The following DSCAML1 variants were observed in gnomAD, a reference collection of about 807,000 sequenced individuals.
The protein encoded by DSCAML1 is DS cell adhesion molecule like 1, also known as cell adhesion molecule DSCAML1.
DSCAML1 carries 38 observed loss-of-function variants against 200.5 expected under a neutral mutation model. That is an observed-to-expected ratio of 0.19 (90% CI 0.15 to 0.25). The LOEUF (loss-of-function observed/expected upper bound fraction) is 0.25, where lower values mean the gene tolerates loss of function less well. Among genes scored for constraint, DSCAML1 ranks in the 10% least tolerant of loss-of-function variants. The pLI is 1.00. For missense variants in DSCAML1, 2,223 were observed against 2,858.8 expected (o/e 0.78, Z 5.07); for synonymous variants, 1,215 against 1,165.0 (o/e 1.04, Z -0.87).
intron 3 of DSCAML1, among the ~76,000 whole-genome samples, chr11:117,545,116 G>C (rs916702800): frequency 6.6e-6 from 1 of 152,124 alleles, no homozygotes; most frequent in African/African-American, 2.4e-5. Flanking sequence ...TGTAATCCCA[G>C]ATACTCGGGA....
intron 18 of DSCAML1, among the ~76,000 whole-genome samples, chr11:117,460,924 G>A (rs1193705874): frequency 6.6e-6 from 1 of 151,928 alleles, no homozygotes; most frequent in Non-Finnish European, 1.5e-5. Flanking sequence ...GGCCTTAGGT[G>A]TTGATGGCTT....
intron 3 of DSCAML1, among the ~76,000 whole-genome samples, chr11:117,556,884 C>T (rs1037172063): frequency 1.3e-5 from 2 of 152,188 alleles, no homozygotes; most frequent in Admixed American, 6.5e-5. Context: ...TTCTTAGCTG[C>T]AGTATGAATC....
intron 3 of DSCAML1, among the ~76,000 whole-genome samples, chr11:117,663,994 C>T (rs1370775502): frequency 6.6e-6 from 1 of 152,228 alleles, no homozygotes; most frequent in Non-Finnish European, 1.5e-5. Flanking sequence ...TATTGCTCAG[C>T]GCCATCACCA....
rs1034584666 is a variant in DSCAML1, at chr11:117,628,333, C to T, written c.512-95811G>A. ...AGGAAGCGCTTCCCAGGGTGGGGAG[C>T]GGCTGATCCTCATGACCTCTGAGCT... On this transcript the variant is annotated intron_variant, in intron 3 of 32. Transcript: ENST00000651296. Among the ~76,000 whole-genome samples, 6 of 152,286 alleles carry T rather than the reference C, an allele frequency of 3.9e-5. 1 individual carries two copies. The highest frequency in any genetic ancestry group is 2.0e-4 in the Admixed American group (3 of 15,298).
intron 3 of DSCAML1, among the ~76,000 whole-genome samples, chr11:117,625,772 T>C: frequency 6.6e-6 from 1 of 152,262 alleles, no homozygotes; most frequent in Non-Finnish European, 1.5e-5. Flanking sequence ...TGGGTGCTAC[T>C]GGCATTTAGT....
chr11:117,657,606 C>T (rs1295415189), intron 3 of DSCAML1, among the ~76,000 whole-genome samples: 1 of 152,286 alleles, frequency 6.6e-6, no homozygotes, highest in East Asian at 1.9e-4. Flanking sequence ...CCATCTCCTC[C>T]TCACCCCCAT....
rs1025985360 is a variant in DSCAML1 at position 117,428,089 on chromosome 11, G to A, written c.*239C>T. ...TATATCTCCACACATATTTTGTGGG[G>A]TGGGGGATTTGACTTGTACTGTCAA... On this transcript the variant is annotated 3_prime_UTR_variant, in exon 33 of 33. Transcript: ENST00000651296. 2.2e-6 allele frequency: 1 copy of A among 452,982 alleles called. No individual in the cohort carries two copies. The highest frequency in any genetic ancestry group is 4.5e-5 in the East Asian group (1 of 22,412). 28.1% of individuals were successfully genotyped at this position (452,982 alleles called of 1,614,324 possible). A position where few individuals can be genotyped will look rare whatever the true frequency, so the allele number is the denominator to read the frequency against.
In DSCAML1 at chr11:117,769,516, ATATT is replaced by A. The variant is rs1335530257; in HGVS notation, c.511+7271_511+7274del. On this transcript the variant is annotated intron_variant, in intron 3 of 32. Transcript: ENST00000651296. ...TATATATATAATATATATTTTATAT[ATATT>A]ATATATATTTTATATATATTATATA... is the stretch of plus-strand genomic sequence containing the variant. 4.8e-5 allele frequency among the ~76,000 whole-genome samples: 4 copies of A among 82,934 alleles called. No individual in the cohort carries two copies. In the East Asian group the frequency reaches 9.9e-4, roughly 21 times the overall value. 54.4% of individuals were successfully genotyped at this position (82,934 alleles called of 152,430 possible). A position where few individuals can be genotyped will look rare whatever the true frequency, so the allele number is the denominator to read the frequency against.
intron 3 of DSCAML1, among the ~76,000 whole-genome samples, chr11:117,609,989 T>A (rs1041320291): frequency 6.6e-6 from 1 of 152,154 alleles, no homozygotes; most frequent in African/African-American, 2.4e-5. Flanking sequence ...TCACAAGGAC[T>A]GATGAGGCTG....
intron 8 of DSCAML1, among the ~76,000 whole-genome samples, chr11:117,512,761 TCACACACACACACACA>T (rs71037482): frequency 3.0e-4 from 34 of 113,158 alleles, no homozygotes; most frequent in African/African-American, 6.9e-4. Context: ...TCCTCTAGGA[TCACACACACACACACA>T]CACACACACA....
rs377253607 is a variant in DSCAML1, at chr11:117,608,225, A to C, written c.512-75703T>G. On this transcript the variant is annotated intron_variant, in intron 3 of 32. Transcript: ENST00000651296. ...TACAACTGCAGAATAGAACAATTGCACAATGGAGAGATGGTGCCAGTACTT... is the reference window on the plus strand; with the variant it reads ...TACAACTGCAGAATAGAACAATTGCCCAATGGAGAGATGGTGCCAGTACTT... 7.9e-5 allele frequency among the ~76,000 whole-genome samples: 12 copies of C among 152,386 alleles called. No homozygotes were observed. The East Asian group carries it at 1.9e-3, about 24-fold the overall frequency.
chr11:117,609,002 GCAAA>G (rs71037489), intron 3 of DSCAML1, among the ~76,000 whole-genome samples: 1,574 of 146,744 alleles, frequency 0.011, 24 homozygotes, highest in African/African-American at 0.029. Flanking sequence ...CCCCATTTCT[GCAAA>G]CAAACAAACA....
intron 3 of DSCAML1, among the ~76,000 whole-genome samples, chr11:117,769,830 C>T (rs922719319): frequency 2.0e-5 from 3 of 151,874 alleles, no homozygotes; most frequent in Admixed American, 6.6e-5. Flanking sequence ...CAGAGCCTGG[C>T]AACTTAGTAA....
intron 3 of DSCAML1, among the ~76,000 whole-genome samples, chr11:117,770,442 G>A (rs1046769921): frequency 2.0e-5 from 3 of 152,018 alleles, no homozygotes; most frequent in Non-Finnish European, 4.4e-5. Context: ...GAAGCAACTC[G>A]GCATTATGGA....
At chr11:117,706,747 T>C (rs1233114925) in intron 3 of DSCAML1, among the ~76,000 whole-genome samples, 1 of 152,228 alleles carries the variant, frequency 6.6e-6, no homozygotes, top group Non-Finnish European at 1.5e-5. Flanking sequence ...CTGAACTTGC[T>C]CAATTATCAA....
chr11:117,529,452 G>A (rs748030824), intron 4 of DSCAML1, among the ~76,000 whole-genome samples: 39 of 152,054 alleles, frequency 2.6e-4, no homozygotes, highest in Non-Finnish European at 4.3e-4. Flanking sequence ...CCCATTTTCC[G>A]GATGAGGCAG....
intron 3 of DSCAML1, among the ~76,000 whole-genome samples, chr11:117,537,722 G>T (rs999995257): frequency 6.6e-6 from 1 of 152,200 alleles, no homozygotes; most frequent in African/African-American, 2.4e-5. Flanking sequence ...ACACAGACAC[G>T]CACCCAGGGA....
chr11:117,430,763 C>A lies in DSCAML1; in HGVS notation c.5645G>T (p.Gly1882Val). 6.2e-7 allele frequency: 1 copy of A among 1,613,814 alleles called. No homozygotes were observed. The highest frequency in any genetic ancestry group is 8.5e-7 in the Non-Finnish European group (1 of 1,179,934). The change falls in exon 32 of 33, where the codon GGC becomes GTC. Residue 1882 changes from glycine (G) to valine (V), a missense_variant. Gly to Val is a moderately radical substitution (Grantham distance 109, BLOSUM62 -3). Coordinates refer to ENST00000651296, the MANE Select transcript of DSCAML1 (RefSeq NM_020693.4). ...AGGGATGGGCACAGCCACGTTTTTG[C>A]CCCGGTCCGCATCCTGGGGCTTGGG... ...SPPKPQDADR[G>V]KNVAVPIPHR... is the part of the protein sequence containing the mutation.
intron 5 of DSCAML1, 70 bp downstream of exon 5, chr11:117,524,735 C>T: frequency 2.0e-6 from 3 of 1,508,690 alleles, no homozygotes; most frequent in Non-Finnish European, 2.7e-6. Context: ...CTGTCGGCCA[C>T]ACTCCTCCCC....
Sources: gnomAD v4.1 joint callset for allele counts (sites outside exome capture counted in the v4.1 genomes callset) on GRCh38, gnomAD v4.1.1 for gene constraint, MANE v1.5 for transcripts, NCBI Gene and HGNC (gene_info 2026-07-23, HGNC 2026-07-21) for gene names.